Variants in EHMT1 observed in about 807,000 individuals in gnomAD.
EHMT1 encodes the protein euchromatic histone lysine methyltransferase 1.
In EHMT1, 15 loss-of-function variants were observed where a neutral mutation model predicts 147.2. That is an observed-to-expected ratio of 0.10 (90% CI 0.07 to 0.16). The LOEUF (loss-of-function observed/expected upper bound fraction) is 0.16. Ranked by LOEUF, EHMT1 falls within the 10% of genes least tolerant of loss-of-function variation. The probability of loss-of-function intolerance (pLI) is 1.00; values close to 1 mark genes in which losing one functional copy is unlikely to be tolerated. For missense variants in EHMT1, 1,587 were observed against 1,772.4 expected, an observed-to-expected ratio of 0.90 and a Z score of 1.88; for synonymous variants, 795 against 709.6, an observed-to-expected ratio of 1.12 and a Z score of -1.91.
intron 1 of EHMT1, among the ~76,000 whole-genome samples, chr9:137,685,133 C>CTATTAA (rs1167701952): frequency 4.6e-5 from 7 of 151,934 alleles, no homozygotes; most frequent in Admixed American, 2.6e-4. Flanking sequence ...TCTAAGTGTG[C>CTATTAA]TATTAAGTGG....
intron 4 of EHMT1, chr9:137,743,159 C>T (rs917147456): frequency 1.3e-5 from 7 of 558,482 alleles, no homozygotes; most frequent in Non-Finnish European, 2.2e-5. Flanking sequence ...AACAGATGAT[C>T]CAGGACGTGT....
chr9:137,800,503 G>A (rs1335917639), intron 17 of EHMT1: 5 of 282,504 alleles, frequency 1.8e-5, no homozygotes, highest in South Asian at 7.6e-5. Context: ...GGTGCGCTCC[G>A]GGTCTGGCCT....
rs193051972 is a variant in EHMT1, at chr9:137,741,198, G to A, written c.824-2173G>A. The stretch of plus-strand genomic sequence containing the variant: ...TCACTGTGTTAGCCAGGATGGTCTC[G>A]ATCTCCTGACCTCGTGATCCACCCG... On this transcript the variant is annotated intron_variant, in intron 4 of 26. Coordinates refer to ENST00000460843, the MANE Select transcript of EHMT1 (RefSeq NM_024757.5). 8.5e-5 allele frequency among the ~76,000 whole-genome samples: 13 copies of A among 152,064 alleles called. No homozygotes were observed. In the East Asian group the frequency reaches 2.3e-3, roughly 27 times the overall value.
chr9:137,717,189 T>A lies in EHMT1; in HGVS notation c.642+7T>A, dbSNP rs1417081202. 1 of 1,611,196 alleles carries A rather than the reference T, an allele frequency of 6.2e-7. No individual in the cohort carries two copies. The highest frequency in any genetic ancestry group is 1.3e-5 in the African/African-American group (1 of 74,908). ...GAAGTCCGTCGTGGGCCTGGTAATT[T>A]TGTGTCTTCTCTTGCTGTTTCCTTT... is the stretch of plus-strand genomic sequence containing the variant. On this transcript the variant is annotated splice_region_variant and intron_variant, in intron 3 of 26. Transcript: ENST00000460843.
At chr9:137,669,633 CCTTCA>C (rs1182429303) in intron 1 of EHMT1, among the ~76,000 whole-genome samples, 37 of 151,818 alleles carry the variant, frequency 2.4e-4, no homozygotes, top group Admixed American at 2.4e-3. Flanking sequence ...CCCTCCCCCA[CCTTCA>C]CTTTTTGCTC....
chr9:137,824,996 G>A (rs1046004835), intron 25 of EHMT1, among the ~76,000 whole-genome samples: 5 of 152,166 alleles, frequency 3.3e-5, no homozygotes, highest in Admixed American at 3.3e-4. Context: ...TCCCGGCACT[G>A]GGGGAAGAGG....
chr9:137,706,574 C>T lies in EHMT1; in HGVS notation c.22-4393C>T, dbSNP rs543061631. On this transcript the variant is annotated intron_variant, in intron 1 of 26. Coordinates refer to ENST00000460843, the MANE Select transcript of EHMT1 (RefSeq NM_024757.5). ...TGATCTCGGCTCACTGCAACCTCCG[C>T]CTCCTGGGTTAAAGATATTCTCCTG... Among the ~76,000 whole-genome samples, 10 of 152,320 alleles carry T rather than the reference C, an allele frequency of 6.6e-5. No homozygotes were observed. In the South Asian group the frequency reaches 1.4e-3, roughly 22 times the overall value.
At chr9:137,798,517 C>T (rs903001994) in intron 16 of EHMT1, among the ~76,000 whole-genome samples, 1 of 152,148 alleles carries the variant, frequency 6.6e-6, no homozygotes, top group African/African-American at 2.4e-5. Flanking sequence ...TCTTTGTGTT[C>T]CCACTTTTTG....
chr9:137,704,428 T>G (rs1015201502), intron 1 of EHMT1, among the ~76,000 whole-genome samples: 1 of 152,210 alleles, frequency 6.6e-6, no homozygotes, highest in African/African-American at 2.4e-5. Flanking sequence ...GGATTTTCTA[T>G]TGGTTTTAAT....
chr9:137,681,875 G>A (rs975146711), intron 1 of EHMT1, among the ~76,000 whole-genome samples: 2 of 152,204 alleles, frequency 1.3e-5, no homozygotes, highest in African/African-American at 4.8e-5. Flanking sequence ...TGTCTGGTAC[G>A]TAAGCGTGAG....
At chr9:137,815,629 A>G in intron 22 of EHMT1, 1 of 410,174 alleles carries the variant, frequency 2.4e-6, no homozygotes, top group South Asian at 2.1e-5. Context: ...GCAACCCAGG[A>G]GCTGGCAGCC....
intron 9 of EHMT1, among the ~76,000 whole-genome samples, chr9:137,758,411 A>G (rs1181353956): frequency 6.6e-6 from 1 of 152,178 alleles, no homozygotes; most frequent in Admixed American, 6.5e-5. Context: ...TGTTGAGCTG[A>G]GAGTTCTGAC....
intron 10 of EHMT1, among the ~76,000 whole-genome samples, chr9:137,771,062 A>G (rs1014339725): frequency 1.3e-5 from 2 of 152,026 alleles, no homozygotes; most frequent in African/African-American, 2.4e-5. Context: ...TTGGTGGTGC[A>G]TAACCTTTAG....
intron 1 of EHMT1, among the ~76,000 whole-genome samples, chr9:137,706,316 A>C (rs751375555): frequency 6.6e-6 from 1 of 152,248 alleles, no homozygotes; most frequent in African/African-American, 2.4e-5. Context: ...TGCTCACTCC[A>C]GCTAGGTGGA....
intron 8 of EHMT1, among the ~76,000 whole-genome samples, chr9:137,754,678 T>G (rs1364983202): frequency 6.6e-6 from 1 of 152,092 alleles, no homozygotes; most frequent in Non-Finnish European, 1.5e-5. Flanking sequence ...ATGCCCAGCT[T>G]ATTTTTTTGT....
intron 1 of EHMT1, chr9:137,637,462 A>C (rs184038226): frequency 6.6e-6 from 1 of 152,228 alleles, no homozygotes; most frequent in East Asian, 1.9e-4. Context: ...GGTGTGAGCC[A>C]CTGCACCTGG....
intron 25 of EHMT1, chr9:137,833,048 C>T (rs1046494023): frequency 6.6e-6 from 1 of 152,334 alleles, no homozygotes; most frequent in Non-Finnish European, 1.5e-5. Flanking sequence ...CCGTGCTCGC[C>T]TGGTTTACTG....
chr9:137,666,624 T>C (rs1455351454), intron 1 of EHMT1, among the ~76,000 whole-genome samples: 1 of 152,198 alleles, frequency 6.6e-6, no homozygotes, highest in Non-Finnish European at 1.5e-5. Context: ...CCGCCTTGGC[T>C]GTGAGGATGG....
chr9:137,806,196 G>C (rs1953935040), intron 18 of EHMT1, among the ~76,000 whole-genome samples: 1 of 150,460 alleles, frequency 6.6e-6, no homozygotes, highest in African/African-American at 2.4e-5. Flanking sequence ...CCCAACCTCA[G>C]GTGATCTGCC....
Sources: allele counts gnomAD v4.1 joint callset (sites outside exome capture counted in the v4.1 genomes callset), GRCh38; gene constraint gnomAD v4.1.1; transcripts MANE v1.5; gene names NCBI Gene and HGNC (gene_info 2026-07-23, HGNC 2026-07-21).